The following SYK variants were observed in gnomAD, a reference collection of about 807,000 sequenced individuals.
SYK encodes tyrosine-protein kinase SYK.
In SYK, 16 loss-of-function variants were observed where a neutral mutation model predicts 77.8. The ratio of observed to expected loss-of-function variants is 0.21; its 90% CI spans 0.14 to 0.31. SYK has a LOEUF of 0.31. SYK is among the 10% of genes least tolerant of loss of function. The pLI is 1.00. For missense variants in SYK, 529 were observed against 814.4 expected (o/e 0.65, Z 4.26); for synonymous variants, 312 against 308.7 (o/e 1.01, Z -0.11).
chr9:90,876,740 T>C (rs1454289660), intron 9 of SYK, among the ~76,000 whole-genome samples: 1 of 152,238 alleles, frequency 6.6e-6, no homozygotes, highest in African/African-American at 2.4e-5. Context: ...TTTCAATCTA[T>C]AAACACAGCC....
chr9:90,834,050 C>T (rs1033851991), intron 1 of SYK, among the ~76,000 whole-genome samples: 4 of 152,152 alleles, frequency 2.6e-5, no homozygotes, highest in South Asian at 2.1e-4. Context: ...TGGTGTATCA[C>T]GTGCAAGGTG....
intron 7 of SYK, 104 bp downstream of exon 7, chr9:90,867,303 C>G (rs1291081991): frequency 1.7e-6 from 2 of 1,169,876 alleles, no homozygotes; most frequent in Non-Finnish European, 2.5e-6. Flanking sequence ...CCCCCCATCT[C>G]TTGCCACTCT....
At chr9:90,837,130 A>C (rs565537262) in intron 1 of SYK, among the ~76,000 whole-genome samples, 1 of 152,262 alleles carries the variant, frequency 6.6e-6, no homozygotes, top group Non-Finnish European at 1.5e-5. Flanking sequence ...GGGGGAGTCA[A>C]AAGTTACACA....
At chr9:90,848,847 C>T (rs1826702499) in intron 3 of SYK, among the ~76,000 whole-genome samples, 1 of 152,218 alleles carries the variant, frequency 6.6e-6, no homozygotes, top group Non-Finnish European at 1.5e-5. Flanking sequence ...GCGTAGAGCA[C>T]ACTGGGGTAT....
chr9:90,814,189 T>G (rs902617812), intron 1 of SYK, among the ~76,000 whole-genome samples: 1 of 152,100 alleles, frequency 6.6e-6, no homozygotes, highest in African/African-American at 2.4e-5. Context: ...ACCCAAAGCC[T>G]TCAAGTTTGG....
rs201516360 is a variant in SYK, at chr9:90,887,790, G to A, written c.1623G>A (p.Pro541=). 4.6e-5 allele frequency: 74 copies of A among 1,613,524 alleles called. No individual in the cohort carries two copies. Among genetic ancestry groups the A allele is most frequent in the South Asian group, 2.2e-4 (20 of 90,968 alleles). Residue 541 remains proline, a synonymous_variant, in exon 12 of 14, where the codon CCG becomes CCA. Transcript: ENST00000375754. ...HGKWPVKWYA[P]ECINYYKFSS... is the part of the protein sequence containing the mutation. ...AGTGGCCTGTCAAGTGGTACGCTCC[G>A]GAATGCATCAACTACTACAAGTTCT...
chr9:90,849,793 T>C (rs1826746188), intron 3 of SYK, among the ~76,000 whole-genome samples: 1 of 152,244 alleles, frequency 6.6e-6, no homozygotes. Context: ...GTGGTCTGTT[T>C]CCTTCATTTC....
In SYK at chr9:90,845,458, A is replaced by G; in HGVS notation, c.442A>G (p.Ile148Val). The G allele has an allele frequency of 3.1e-6, 5 of 1,614,148 alleles. No individual in the cohort carries two copies. Among genetic ancestry groups the G allele is most frequent in the Non-Finnish European group, 4.2e-6 (5 of 1,180,006 alleles). Reference sequence around the variant, plus strand: ...GGGTCAGGCTCTGGAGCAGGCCATCATCAGTCAGAAGCCTCAGCTGGAGAA... The same window carrying G: ...GGGTCAGGCTCTGGAGCAGGCCATCGTCAGTCAGAAGCCTCAGCTGGAGAA... ...LQGQALEQAI[I>V]SQKPQLEKLI... is the part of the protein sequence containing the mutation. The change falls in exon 3 of 14, where the codon ATC becomes GTC. Residue 148 changes from isoleucine (I) to valine (V), a missense_variant. This residue lies in a region of SYK where 321 missense variants were observed against 433.1 expected (regional missense o/e 0.74). Coordinates refer to ENST00000375754, the MANE Select transcript of SYK (RefSeq NM_003177.7).
intron 6 of SYK, 33 bp downstream of exon 6, chr9:90,865,130 A>T (rs1374990634): frequency 6.2e-7 from 1 of 1,601,848 alleles, no homozygotes; most frequent in Non-Finnish European, 8.6e-7. Flanking sequence ...CTGAATGAGA[A>T]GCTGTTGCAT....
At position 90,895,203 on chromosome 9, in the gene SYK, G is replaced by A. The variant is rs572956422; in HGVS notation, c.1836-325G>A. On this transcript the variant is annotated intron_variant, in intron 13 of 13. Coordinates refer to ENST00000375754, the MANE Select transcript of SYK (RefSeq NM_003177.7). This position sits in a 1 kb window ranked among gnomAD's most constrained non-coding sequence, Gnocchi z 4.4. ...GTTGCCTGTGGCACAGAAGCATATT[G>A]TGTGCCGCATATCTGAACCTGGGGC... 6.7e-4 allele frequency among the ~76,000 whole-genome samples: 102 copies of A among 152,316 alleles called. 3 individuals carry two copies. The highest frequency in any genetic ancestry group is 6.7e-3 in the Admixed American group (102 of 15,300).
At chr9:90,876,551 G>A (rs1242911025) in intron 9 of SYK, among the ~76,000 whole-genome samples, 9 of 152,142 alleles carry the variant, frequency 5.9e-5, no homozygotes, top group Non-Finnish European at 1.3e-4. Flanking sequence ...GAGTAAAAAT[G>A]TTTCTGTATT....
chr9:90,835,523 G>C (rs190229044), intron 1 of SYK, among the ~76,000 whole-genome samples: 66 of 152,380 alleles, frequency 4.3e-4, no homozygotes, highest in Middle Eastern at 6.8e-3. Context: ...AGCATTTGCA[G>C]GTTGTTTTGG....
chr9:90,841,475 G>C (rs1028690761), intron 1 of SYK, among the ~76,000 whole-genome samples: 5 of 151,226 alleles, frequency 3.3e-5, no homozygotes, highest in Admixed American at 6.6e-5. Flanking sequence ...TGTGTGGTGT[G>C]CGTTTAGTGC....
intron 3 of SYK, among the ~76,000 whole-genome samples, chr9:90,853,107 T>G (rs560494458): frequency 6.6e-6 from 1 of 151,936 alleles, no homozygotes; most frequent in South Asian, 2.1e-4. Context: ...GAACATGGTC[T>G]TGGTGGGAAA....
At chr9:90,864,450 A>G (rs938526217) in intron 4 of SYK, 139 bp from the exon 5 acceptor site, 2 of 698,640 alleles carry the variant, frequency 2.9e-6, no homozygotes, top group African/African-American at 3.6e-5. Context: ...ACCCTTGTGG[A>G]GTGGACTTAA....
At chr9:90,840,952 T>C (rs1323055068) in intron 1 of SYK, among the ~76,000 whole-genome samples, 1 of 152,220 alleles carries the variant, frequency 6.6e-6, no homozygotes, top group Admixed American at 6.5e-5. Context: ...CCTTGTAGGA[T>C]AGTGCATGTT....
chr9:90,803,798 C>T (rs1824707705), intron 1 of SYK, among the ~76,000 whole-genome samples: 2 of 152,100 alleles, frequency 1.3e-5, no homozygotes, highest in African/African-American at 4.8e-5. Flanking sequence ...AGACATTGCT[C>T]AGAATTTAGA....
At chr9:90,836,076 C>T (rs1335741009) in intron 1 of SYK, among the ~76,000 whole-genome samples, 1 of 152,080 alleles carries the variant, frequency 6.6e-6, no homozygotes, top group African/African-American at 2.4e-5. Context: ...ATCACGAGGT[C>T]AGGAGATCGA....
rs1486303942 is a variant in SYK at position 90,884,177 on chromosome 9, G to A, written c.1582-3572G>A. On this transcript the variant is annotated intron_variant, in intron 11 of 13. Transcript: ENST00000375754. Reference sequence around the variant, plus strand: ...TGTATATATACACACATACACATACGTGTATATATACACACATACACATAC... The same window carrying A: ...TGTATATATACACACATACACATACATGTATATATACACACATACACATAC... Among the ~76,000 whole-genome samples, 31 of 148,826 alleles carry A rather than the reference G, an allele frequency of 2.1e-4. 1 individual carries two copies. The highest frequency in any genetic ancestry group is 6.0e-4 in the African/African-American group (24 of 40,152).
Sources: allele counts gnomAD v4.1 joint callset (sites outside exome capture counted in the v4.1 genomes callset), GRCh38; gene constraint gnomAD v4.1.1; regional missense constraint gnomAD v4.1.1; non-coding constraint Gnocchi (gnomAD v3.1); transcripts MANE v1.5; gene names NCBI Gene and HGNC (gene_info 2026-07-23, HGNC 2026-07-21).